Variants in SGCZ observed in about 807,000 individuals in gnomAD.
SGCZ encodes the protein sarcoglycan zeta.
SGCZ carries 40 observed loss-of-function variants against 41.3 expected under a neutral mutation model. That is an observed-to-expected ratio of 0.97 (90% CI 0.75 to 1.26). SGCZ has a LOEUF of 1.26. Ranked by LOEUF, SGCZ falls within the 50% of genes most tolerant of loss-of-function variation. The pLI is 0.00. For synonymous variants in SGCZ, 206 were observed against 137.5 expected, an observed-to-expected ratio of 1.50 and a Z score of -3.49; for missense variants, 552 against 369.8, an observed-to-expected ratio of 1.49 and a Z score of -4.04.
In SGCZ at chr8:14,348,976, G is replaced by C. The variant is rs188456370; in HGVS notation, c.235-24772C>G. Among the ~76,000 whole-genome samples, 238 of 152,064 alleles carry C rather than the reference G, an allele frequency of 1.6e-3. 2 individuals are homozygous for C. The highest frequency in any genetic ancestry group is 5.5e-3 in the African/African-American group (230 of 41,494). ...ACTGGACTCATTTTTACTGTGTTAC[G>C]TAAATATATAAAACTTAGTAGAGTC... On this transcript the variant is annotated intron_variant, in intron 2 of 7. Coordinates refer to ENST00000382080, the MANE Select transcript of SGCZ (RefSeq NM_139167.4).
At position 15,188,930 on chromosome 8, in the gene SGCZ, C is replaced by T. The variant is rs182855298; in HGVS notation, c.39+48655G>A. Among the ~76,000 whole-genome samples the T allele has an allele frequency of 1.8e-3, 269 of 152,062 alleles. 2 individuals carry two copies. Among genetic ancestry groups the T allele is most frequent in the Admixed American group, 4.6e-3 (70 of 15,250 alleles). ...CTACAAAATAATATGATAAAATCTC[C>T]CCTTTTTTGCAATAGCTCCACTTTG... is the stretch of plus-strand genomic sequence containing the variant. On this transcript the variant is annotated intron_variant, in intron 1 of 7. Coordinates refer to ENST00000382080, the MANE Select transcript of SGCZ (RefSeq NM_139167.4).
At chr8:14,667,675 A>T (rs1291690832) in intron 1 of SGCZ, among the ~76,000 whole-genome samples, 3 of 152,190 alleles carry the variant, frequency 2.0e-5, no homozygotes, top group Non-Finnish European at 4.4e-5. Context: ...TATAATCACA[A>T]TATTTTGAAT....
At chr8:15,002,586 T>C (rs951815273) in intron 1 of SGCZ, among the ~76,000 whole-genome samples, 1 of 151,948 alleles carries the variant, frequency 6.6e-6, no homozygotes. Flanking sequence ...AAGTGAGAAA[T>C]AAGACTGACT....
At position 15,211,411 on chromosome 8, in the gene SGCZ, C is replaced by T. The variant is rs77938336; in HGVS notation, c.39+26174G>A. On this transcript the variant is annotated intron_variant, in intron 1 of 7. Coordinates refer to ENST00000382080, the MANE Select transcript of SGCZ (RefSeq NM_139167.4). ...TCTATTCTTTTTCTCATTGTCCATA[C>T]AACTATTTCACATTATCTGCCACCT... 7.6e-3 allele frequency among the ~76,000 whole-genome samples: 1,158 copies of T among 152,186 alleles called. 13 individuals are homozygous for T. The highest frequency in any genetic ancestry group is 0.025 in the African/African-American group (1,035 of 41,516).
At chr8:14,282,831 C>T (rs993247040) in intron 3 of SGCZ, among the ~76,000 whole-genome samples, 1 of 135,924 alleles carries the variant, frequency 7.4e-6, no homozygotes, top group Admixed American at 8.1e-5. Flanking sequence ...TCATTATAAT[C>T]ATTCTCTTTC....
chr8:14,566,709 G>A (rs956031828), intron 1 of SGCZ, among the ~76,000 whole-genome samples: 28 of 152,338 alleles, frequency 1.8e-4, no homozygotes, highest in East Asian at 1.7e-3. Flanking sequence ...CGGCCTTGGC[G>A]CCCACTCTGG....
At chr8:15,237,117 G>A (rs1585705304) in intron 1 of SGCZ, among the ~76,000 whole-genome samples, 2 of 152,358 alleles carry the variant, frequency 1.3e-5, no homozygotes, top group South Asian at 4.1e-4. Context: ...GCGAATCTCC[G>A]AGCGGAAATG....
At chr8:15,113,810 T>C (rs1807160879) in intron 1 of SGCZ, among the ~76,000 whole-genome samples, 1 of 152,222 alleles carries the variant, frequency 6.6e-6, no homozygotes, top group South Asian at 2.1e-4. Flanking sequence ...ATTTTCTCAG[T>C]AAAAGCAAAG....
At chr8:14,788,302 G>A (rs1292198108) in intron 1 of SGCZ, among the ~76,000 whole-genome samples, 7 of 152,134 alleles carry the variant, frequency 4.6e-5, no homozygotes. Context: ...TGTGGAAAGG[G>A]CACTGAACAA....
chr8:14,543,116 A>G (rs1054935210), intron 2 of SGCZ, among the ~76,000 whole-genome samples: 2 of 151,918 alleles, frequency 1.3e-5, no homozygotes, highest in African/African-American at 2.4e-5. Flanking sequence ...CATTATATGT[A>G]ATATAACATA....
chr8:14,374,917 G>A (rs1804056923), intron 2 of SGCZ, among the ~76,000 whole-genome samples: 2 of 152,198 alleles, frequency 1.3e-5, no homozygotes, highest in Non-Finnish European at 2.9e-5. Flanking sequence ...GGAGATAGCA[G>A]CAAAGTAGGA....
intron 2 of SGCZ, among the ~76,000 whole-genome samples, chr8:14,362,161 C>A (rs1188935022): frequency 2.0e-5 from 3 of 152,174 alleles, no homozygotes. Context: ...CTTGAGGAGG[C>A]AGTCTGTCCA....
intron 2 of SGCZ, among the ~76,000 whole-genome samples, chr8:14,508,568 A>G (rs945831950): frequency 6.6e-6 from 1 of 152,152 alleles, no homozygotes; most frequent in Admixed American, 6.6e-5. Flanking sequence ...TAATTTCTCC[A>G]TATCAATGGG....
intron 4 of SGCZ, among the ~76,000 whole-genome samples, chr8:14,194,599 A>G (rs1389043542): frequency 6.6e-6 from 1 of 151,976 alleles, no homozygotes. Flanking sequence ...AAAATAATAA[A>G]TACATTTTTC....
At chr8:14,979,683 T>C (rs1250407574) in intron 1 of SGCZ, among the ~76,000 whole-genome samples, 2 of 152,220 alleles carry the variant, frequency 1.3e-5, no homozygotes, top group Admixed American at 6.5e-5. Flanking sequence ...TTCGAAGCTG[T>C]GCCTTTTAAA....
chr8:14,402,760 T>G (rs36174696), intron 2 of SGCZ, among the ~76,000 whole-genome samples: 29,526 of 146,446 alleles, frequency 0.2, 3,716 homozygotes, highest in Non-Finnish European at 0.28. Flanking sequence ...TAGGATTGAC[T>G]TGGCCATGCG....
chr8:15,021,495 T>C (rs1803247164), intron 1 of SGCZ, among the ~76,000 whole-genome samples: 1 of 152,186 alleles, frequency 6.6e-6, no homozygotes, highest in Admixed American at 6.5e-5. Flanking sequence ...TTCCAACTTA[T>C]AAGTCAAAAA....
chr8:14,683,921 A>T lies in SGCZ; in HGVS notation c.40-128995T>A, dbSNP rs1246811022. Among the ~76,000 whole-genome samples, 2 of 152,152 alleles carry T rather than the reference A, an allele frequency of 1.3e-5. 1 individual carries two copies. Among genetic ancestry groups the T allele is most frequent in the Non-Finnish European group, 2.9e-5 (2 of 68,000 alleles). On this transcript the variant is annotated intron_variant, in intron 1 of 7. Transcript: ENST00000382080. ...TAGAATTTCATCAATCTTAAGATGCATGATTTTTCACATTTTAAAATATCT... is the reference window on the plus strand; with the variant it reads ...TAGAATTTCATCAATCTTAAGATGCTTGATTTTTCACATTTTAAAATATCT...
At chr8:14,928,037 T>C (rs1422458894) in intron 1 of SGCZ, among the ~76,000 whole-genome samples, 3 of 152,212 alleles carry the variant, frequency 2.0e-5, no homozygotes, top group Non-Finnish European at 4.4e-5. Flanking sequence ...GTCCAGCATC[T>C]GCCAGAGGCC....
Sources: gnomAD v4.1 joint callset for allele counts (sites outside exome capture counted in the v4.1 genomes callset) on GRCh38, gnomAD v4.1.1 for gene constraint, MANE v1.5 for transcripts, NCBI Gene and HGNC (gene_info 2026-07-23, HGNC 2026-07-21) for gene names.